Variants in RPRD2 observed in about 807,000 individuals in gnomAD.
RPRD2 encodes the protein regulation of nuclear pre-mRNA domain-containing protein 2.
RPRD2 carries 12 observed loss-of-function variants against 104.4 expected under a neutral mutation model. The ratio of observed to expected loss-of-function variants is 0.11; its 90% CI spans 0.07 to 0.19. The LOEUF (loss-of-function observed/expected upper bound fraction) is 0.19, where lower values mean the gene tolerates loss of function less well. Among genes scored for constraint, RPRD2 ranks in the 10% least tolerant of loss-of-function variants. RPRD2 has a pLI of 1.00. For synonymous variants in RPRD2, 714 were observed against 684.9 expected (o/e 1.04, Z -0.66); for missense variants, 1,543 against 1,790.1 (o/e 0.86, Z 2.49).
chr1:150,372,098 A>C (rs1295900282), intron 1 of RPRD2, among the ~76,000 whole-genome samples: 2 of 152,206 alleles, frequency 1.3e-5, no homozygotes, highest in Non-Finnish European at 2.9e-5. Flanking sequence ...AGAGTGTAAC[A>C]GTATTGCCAT....
intron 1 of RPRD2, among the ~76,000 whole-genome samples, chr1:150,378,151 A>G (rs1553880007): frequency 6.6e-6 from 1 of 151,958 alleles, no homozygotes; most frequent in Admixed American, 6.6e-5. Context: ...TTTTACAAAC[A>G]TAACACTAAT....
intron 7 of RPRD2, among the ~76,000 whole-genome samples, chr1:150,452,517 G>T (rs1553896831): frequency 6.6e-6 from 1 of 151,996 alleles, no homozygotes; most frequent in Non-Finnish European, 1.5e-5. Flanking sequence ...CCAGACTTTC[G>T]ATGTATTCAT....
chr1:150,437,733 C>G (rs765100009), intron 2 of RPRD2, among the ~76,000 whole-genome samples: 4 of 152,040 alleles, frequency 2.6e-5, no homozygotes, highest in South Asian at 2.1e-4. Context: ...GTGTGCCCCA[C>G]CACATCTGGC....
chr1:150,381,543 C>T (rs868960557), intron 1 of RPRD2, among the ~76,000 whole-genome samples: 6 of 146,244 alleles, frequency 4.1e-5, no homozygotes, highest in South Asian at 2.2e-4. Context: ...CTTGCTCTAT[C>T]GCCCAGGCTG....
chr1:150,394,660 C>T (rs782071333), intron 1 of RPRD2, among the ~76,000 whole-genome samples: 4 of 151,960 alleles, frequency 2.6e-5, no homozygotes, highest in Admixed American at 6.6e-5. Context: ...GGCATGATCT[C>T]GGCTCACTGC....
chr1:150,445,502 C>T (rs1384989167), intron 6 of RPRD2, among the ~76,000 whole-genome samples: 4 of 152,138 alleles, frequency 2.6e-5, no homozygotes, highest in Admixed American at 6.6e-5. Context: ...TTACTTTTCT[C>T]GTTTAAGAGA....
intron 2 of RPRD2, among the ~76,000 whole-genome samples, chr1:150,438,895 C>T (rs1354246550): frequency 1.3e-5 from 2 of 151,930 alleles, no homozygotes; most frequent in East Asian, 3.9e-4. Context: ...AGTGCAATGG[C>T]GCAATCTCAG....
At chr1:150,432,822 T>A (rs4926395) in intron 2 of RPRD2, among the ~76,000 whole-genome samples, 1 of 151,332 alleles carries the variant, frequency 6.6e-6, no homozygotes, top group African/African-American at 2.4e-5. Flanking sequence ...TAAAAAAACA[T>A]GAAATTTAGC....
chr1:150,366,139 C>T (rs1459075096), intron 1 of RPRD2, among the ~76,000 whole-genome samples: 1 of 152,188 alleles, frequency 6.6e-6, no homozygotes, highest in Non-Finnish European at 1.5e-5. Context: ...CTGTTTCCTG[C>T]TGAGAAGAGA....
Position 150,471,949 on chromosome 1 carries a change from A to G in RPRD2, c.3001A>G (p.Ile1001Val). 1 of 1,613,882 alleles carries G rather than the reference A, an allele frequency of 6.2e-7. No homozygotes were observed. Among genetic ancestry groups the G allele is most frequent in the Non-Finnish European group, 8.5e-7 (1 of 1,179,856 alleles). ...SGVEKVLAST[I>V]STTSTIEFKN... The stretch of plus-strand genomic sequence containing the variant: ...CGTGGAGAAAGTCCTGGCCTCCACC[A>G]TTTCCACCACGTCGACGATTGAATT... Residue 1001 changes from isoleucine (I) to valine (V), a missense_variant, in exon 11 of 11, where the codon ATT becomes GTT. This residue lies in a region of RPRD2 where 880 missense variants were observed against 885.6 expected (regional missense o/e 0.99). Transcript: ENST00000369068. This position sits in a 1 kb window ranked among gnomAD's most constrained non-coding sequence, Gnocchi z 5.3.
chr1:150,425,643 C>CA (rs59789751), intron 2 of RPRD2, among the ~76,000 whole-genome samples: 62 of 137,406 alleles, frequency 4.5e-4, no homozygotes, highest in Admixed American at 6.0e-4. Flanking sequence ...AACTCCGTCT[C>CA]AAAAAAAAAA....
intron 1 of RPRD2, among the ~76,000 whole-genome samples, chr1:150,378,282 G>A (rs1319133407): frequency 6.6e-6 from 1 of 152,070 alleles, no homozygotes. Context: ...AATTACACTG[G>A]TGACAGGTAA....
At chr1:150,446,080 AAAG>A (rs1427408469) in intron 6 of RPRD2, 143 bp from the exon 7 acceptor site, 32 of 518,420 alleles carry the variant, frequency 6.2e-5, no homozygotes, top group South Asian at 8.1e-5. Flanking sequence ...AAAAAAAAAA[AAAG>A]AAAGAAACTA....
intron 2 of RPRD2, among the ~76,000 whole-genome samples, chr1:150,426,758 A>C (rs1417560897): frequency 6.6e-6 from 1 of 152,162 alleles, no homozygotes; most frequent in Non-Finnish European, 1.5e-5. Context: ...ATAGAGTTTC[A>C]GTTTTGCAGG....
intron 2 of RPRD2, among the ~76,000 whole-genome samples, chr1:150,432,648 A>G (rs1341240481): frequency 2.6e-5 from 4 of 151,864 alleles, no homozygotes; most frequent in Admixed American, 6.6e-5. Context: ...AAAGCCAAAA[A>G]AAAAAAAGAT....
intron 1 of RPRD2, among the ~76,000 whole-genome samples, chr1:150,393,197 G>T (rs748516240): frequency 1.3e-5 from 2 of 151,844 alleles, no homozygotes; most frequent in African/African-American, 4.8e-5. Flanking sequence ...GGCTGGGTGC[G>T]GTGGCTCACA....
intron 1 of RPRD2, among the ~76,000 whole-genome samples, chr1:150,408,657 T>C (rs1663678388): frequency 6.6e-6 from 1 of 152,246 alleles, no homozygotes; most frequent in African/African-American, 2.4e-5. Flanking sequence ...TTTTCTTTCC[T>C]GTGTTTTCAC....
rs1668533135 is a variant in RPRD2, at chr1:150,470,730, T to C, written c.1782T>C (p.Pro594=). 1 of 1,613,932 alleles carries C rather than the reference T, an allele frequency of 6.2e-7. No homozygotes were observed. The highest frequency in any genetic ancestry group is 1.3e-5 in the African/African-American group (1 of 74,946). Residue 594 remains proline (P), a synonymous_variant, in exon 11 of 11, where the codon CCT becomes CCC. Coordinates refer to ENST00000369068, the MANE Select transcript of RPRD2 (RefSeq NM_015203.5). ...TTCCCAAAAGCTTCAACTATTCTCC[T>C]AACTCATCAACTTCTGAAGTCTCTT... ...PFIPKSFNYS[P]NSSTSEVSST...
At chr1:150,431,831 A>G (rs1553891854) in intron 2 of RPRD2, among the ~76,000 whole-genome samples, 1 of 152,072 alleles carries the variant, frequency 6.6e-6, no homozygotes, top group Non-Finnish European at 1.5e-5. Flanking sequence ...AACTTTGATG[A>G]CATTATGCTA....
Sources: gnomAD v4.1 joint callset for allele counts (sites outside exome capture counted in the v4.1 genomes callset) on GRCh38, gnomAD v4.1.1 for gene constraint, gnomAD v4.1.1 regional missense constraint, Gnocchi (gnomAD v3.1) non-coding constraint, MANE v1.5 for transcripts, NCBI Gene and HGNC (gene_info 2026-07-23, HGNC 2026-07-21) for gene names.